The following ZNF277 variants were observed in gnomAD, a reference collection of about 807,000 sequenced individuals.
ZNF277 encodes the protein nuclear receptor-interacting factor 4.
A neutral mutation model predicts 60.7 loss-of-function variants in ZNF277; 55 were observed. The observed-to-expected ratio is 0.91, with a 90% confidence interval of 0.73 to 1.13. ZNF277 has a LOEUF of 1.13. Ranked by LOEUF, ZNF277 falls within the 50% of genes most tolerant of loss-of-function variation. The probability of loss-of-function intolerance (pLI) is 0.00; values close to 1 mark genes in which losing one functional copy is unlikely to be tolerated. For synonymous variants in ZNF277, 178 were observed against 179.3 expected (o/e 0.99, Z 0.06); for missense variants, 510 against 523.0 (o/e 0.98, Z 0.24).
intron 1 of ZNF277, among the ~76,000 whole-genome samples, chr7:112,276,274 C>T (rs60127009): frequency 0.047 from 7,156 of 152,272 alleles, 261 homozygotes; most frequent in South Asian, 0.13. Context: ...AAAGGTTGGA[C>T]ATGTTAATAG....
At chr7:112,336,966 T>C (rs528904963) in intron 8 of ZNF277, among the ~76,000 whole-genome samples, 172 of 152,282 alleles carry the variant, frequency 1.1e-3, no homozygotes, top group African/African-American at 3.9e-3. Flanking sequence ...GGAAAATGTT[T>C]CCTGTTTTCT....
Position 112,313,005 on chromosome 7 carries a change from A to C in ZNF277, c.466-5177A>C, listed in dbSNP as rs181039108. Among the ~76,000 whole-genome samples the C allele has an allele frequency of 9.2e-4, 140 of 152,204 alleles. 2 individuals are homozygous for C. The highest frequency in any genetic ancestry group is 3.3e-3 in the African/African-American group (136 of 41,566). On this transcript the variant is annotated intron_variant, in intron 4 of 11. Coordinates refer to ENST00000361822, the MANE Select transcript of ZNF277 (RefSeq NM_021994.3). ...AAGTATATGTTATATCTTTGTTGTTATTTTAAGAAATTTACAAGGCAAAAG... is the reference window on the plus strand; with the variant it reads ...AAGTATATGTTATATCTTTGTTGTTCTTTTAAGAAATTTACAAGGCAAAAG...
intron 1 of ZNF277, among the ~76,000 whole-genome samples, chr7:112,276,408 A>G (rs1791794473): frequency 6.6e-6 from 1 of 152,200 alleles, no homozygotes; most frequent in South Asian, 2.1e-4. Context: ...CTGTCGGATG[A>G]CAAAAGATGC....
chr7:112,210,465 G>GTTT (rs66533644), intron 1 of ZNF277, among the ~76,000 whole-genome samples: 6 of 132,682 alleles, frequency 4.5e-5, no homozygotes, highest in Non-Finnish European at 4.9e-5. Context: ...TTTGTTTTTT[G>GTTT]TTTTTTTTTT....
intron 1 of ZNF277, among the ~76,000 whole-genome samples, chr7:112,266,408 A>G (rs780115216): frequency 3.9e-5 from 6 of 152,202 alleles, no homozygotes; most frequent in Admixed American, 2.6e-4. Context: ...CAGCCTGTCA[A>G]ACTGCTGGGA....
At chr7:112,336,213 G>C (rs372216059) in intron 8 of ZNF277, 42 bp downstream of exon 8, 1 of 1,542,798 alleles carries the variant, frequency 6.5e-7, no homozygotes. Context: ...AGTGTTCCAA[G>C]AGTAAGAAGA....
intron 4 of ZNF277, among the ~76,000 whole-genome samples, chr7:112,313,228 A>G (rs1164116213): frequency 6.6e-6 from 1 of 152,080 alleles, no homozygotes; most frequent in Non-Finnish European, 1.5e-5. Context: ...ATTTTGCTCA[A>G]AACGTCATGT....
intron 1 of ZNF277, among the ~76,000 whole-genome samples, chr7:112,266,889 C>T (rs1791563322): frequency 6.6e-6 from 1 of 152,028 alleles, no homozygotes; most frequent in South Asian, 2.1e-4. Flanking sequence ...TCCTGAAGTT[C>T]ATAAATAAAA....
intron 7 of ZNF277, chr7:112,330,548 C>CTTTTTTTTTTTTTTTTTTTTTTTTTT (rs1171213748): frequency 4.6e-5 from 5 of 108,056 alleles, no homozygotes; most frequent in Admixed American, 1.2e-4. Flanking sequence ...AGACTCCTTT[C>CTTTTTTTTTTTTTTTTTTTTTTTTTT]TTTTTTTTTT....
intron 1 of ZNF277, among the ~76,000 whole-genome samples, chr7:112,218,133 G>C (rs541651154): frequency 8.5e-5 from 13 of 152,278 alleles, no homozygotes; most frequent in African/African-American, 2.4e-4. Context: ...CTCCATTTCA[G>C]TTCCCCTGTC....
chr7:112,315,917 C>G (rs1199793163), intron 4 of ZNF277, among the ~76,000 whole-genome samples: 2 of 152,114 alleles, frequency 1.3e-5, no homozygotes, highest in East Asian at 1.9e-4. Context: ...CCCGACCTCT[C>G]CAGATCACTG....
intron 4 of ZNF277, among the ~76,000 whole-genome samples, chr7:112,305,206 C>G (rs1792562077): frequency 6.6e-6 from 1 of 151,924 alleles, no homozygotes; most frequent in African/African-American, 2.4e-5. Flanking sequence ...GGTAACAAAG[C>G]AAGACTCCAT....
intron 2 of ZNF277, among the ~76,000 whole-genome samples, chr7:112,290,377 C>T (rs1278639203): frequency 6.6e-6 from 1 of 152,000 alleles, no homozygotes; most frequent in East Asian, 1.9e-4. Flanking sequence ...TCTCATTATC[C>T]TAATATGCAT....
chr7:112,334,546 T>A (rs1446884856), intron 7 of ZNF277, among the ~76,000 whole-genome samples: 1 of 152,104 alleles, frequency 6.6e-6, no homozygotes, highest in African/African-American at 2.4e-5. Flanking sequence ...TGTACATTCA[T>A]TTTCCTCTCA....
chr7:112,307,642 T>G (rs1792631712), intron 4 of ZNF277, among the ~76,000 whole-genome samples: 2 of 151,940 alleles, frequency 1.3e-5, no homozygotes, highest in Non-Finnish European at 2.9e-5. Context: ...CTCCAACTCC[T>G]GACCTCAAGT....
intron 4 of ZNF277, among the ~76,000 whole-genome samples, chr7:112,300,324 A>G (rs1014116430): frequency 6.6e-6 from 1 of 152,240 alleles, no homozygotes; most frequent in Non-Finnish European, 1.5e-5. Flanking sequence ...GAAAGAAACT[A>G]CAGAATTAGG....
chr7:112,270,830 T>G (rs549250531), intron 1 of ZNF277, among the ~76,000 whole-genome samples: 42 of 152,232 alleles, frequency 2.8e-4, no homozygotes, highest in African/African-American at 9.4e-4. Flanking sequence ...TATCAAGTTT[T>G]CATTAGAACA....
At chr7:112,327,562 T>C (rs1215861319) in intron 5 of ZNF277, among the ~76,000 whole-genome samples, 155 bp from the exon 6 acceptor site, 7 of 152,256 alleles carry the variant, frequency 4.6e-5, no homozygotes. Flanking sequence ...TTACATACTT[T>C]ATAATGTCAC....
intron 1 of ZNF277, among the ~76,000 whole-genome samples, chr7:112,270,683 C>G (rs1236872799): frequency 6.6e-6 from 1 of 151,940 alleles, no homozygotes; most frequent in Non-Finnish European, 1.5e-5. Flanking sequence ...AATATAATAT[C>G]TATCACAAAA....
Sources: allele counts gnomAD v4.1 joint callset (sites outside exome capture counted in the v4.1 genomes callset), GRCh38; gene constraint gnomAD v4.1.1; transcripts MANE v1.5; gene names NCBI Gene and HGNC (gene_info 2026-07-23, HGNC 2026-07-21).